Variants in PGAP1 observed in about 807,000 individuals in gnomAD.
The protein encoded by PGAP1 is post-GPI attachment to proteins inositol deacylase 1, also known as GPI inositol-deacylase.
Under a neutral mutation model 127.0 loss-of-function variants are expected in PGAP1, and 76 were observed. That is an observed-to-expected ratio of 0.60 (90% confidence interval 0.50 to 0.72). The LOEUF (loss-of-function observed/expected upper bound fraction) is 0.72, where lower values mean the gene tolerates loss of function less well. PGAP1 is among the 30% of genes least tolerant of loss of function. The pLI is 0.00. For synonymous variants in PGAP1, 362 were observed against 366.5 expected (o/e 0.99, Z 0.14); for missense variants, 982 against 1,071.3 (o/e 0.92, Z 1.16).
chr2:196,864,120 G>A (rs923705116), intron 20 of PGAP1, among the ~76,000 whole-genome samples: 14 of 151,646 alleles, frequency 9.2e-5, no homozygotes, highest in South Asian at 2.1e-4. Context: ...GGCCGGGTCC[G>A]GTGGCTCACG....
chr2:196,894,255 C>A (rs73064986), intron 7 of PGAP1, among the ~76,000 whole-genome samples: 15,519 of 152,190 alleles, frequency 0.1, 957 homozygotes, highest in African/African-American at 0.17. Context: ...TTTCATTGAA[C>A]TCTTTTGGTC....
chr2:196,841,184 T>A lies in PGAP1; in HGVS notation c.*50A>T, dbSNP rs1417021755. On this transcript the variant is annotated 3_prime_UTR_variant, in exon 27 of 27. Coordinates refer to ENST00000354764, the MANE Select transcript of PGAP1 (RefSeq NM_024989.4). ...TGATGGATCTGTGTGTTCCCTCTTA[T>A]CACTGGCCCTAAACACATAAATTAT... is the stretch of plus-strand genomic sequence containing the variant. 2 of 1,550,392 alleles carry A rather than the reference T, an allele frequency of 1.3e-6. No individual in the cohort carries two copies. The highest frequency in any genetic ancestry group is 2.3e-5 in the East Asian group (1 of 43,300).
Position 196,834,980 on chromosome 2 carries a change from T to C in PGAP1, c.*6254A>G, listed in dbSNP as rs1700199783. 1 of 152,062 alleles carries C rather than the reference T, an allele frequency of 6.6e-6. No homozygotes were observed. Among genetic ancestry groups the C allele is most frequent in the African/African-American group, 2.4e-5 (1 of 41,456 alleles). The allele number at this position is 152,062 out of a possible 1,614,324, so 9.4% of individuals were successfully genotyped here. A position where few individuals can be genotyped will look rare whatever the true frequency, so the allele number is the denominator to read the frequency against. ...TCCTGCCTCCTTACTTCCAAGGCTA[T>C]TTATGCAAACTGCATCAACATTACT... On this transcript the variant is annotated 3_prime_UTR_variant, in exon 27 of 27. Transcript: ENST00000354764.
chr2:196,905,538 T>G (rs1040228670), intron 4 of PGAP1, among the ~76,000 whole-genome samples: 1 of 152,180 alleles, frequency 6.6e-6, no homozygotes, highest in Admixed American at 6.5e-5. Flanking sequence ...CTGGGGAATA[T>G]TTCTCACTTA....
intron 9 of PGAP1, 22 bp from the exon 10 acceptor site, chr2:196,890,933 T>C (rs368495581): frequency 6.6e-5 from 81 of 1,219,272 alleles, no homozygotes; most frequent in Admixed American, 1.4e-4. Context: ...AGGAAAACAC[T>C]CAATATAGCT....
chr2:196,903,567 A>C (rs1452400881), intron 4 of PGAP1, among the ~76,000 whole-genome samples: 2 of 151,170 alleles, frequency 1.3e-5, no homozygotes, highest in Non-Finnish European at 3.0e-5. Flanking sequence ...TCTCAAAAAA[A>C]AAAAAAAAAA....
At chr2:196,852,722 A>C (rs986759251) in intron 20 of PGAP1, among the ~76,000 whole-genome samples, 16 of 152,260 alleles carry the variant, frequency 1.1e-4, no homozygotes, top group African/African-American at 3.4e-4. Context: ...TTATGGGTTG[A>C]GAATGTGTTT....
At chr2:196,850,133 G>A (rs1368465664) in intron 20 of PGAP1, among the ~76,000 whole-genome samples, 1 of 152,184 alleles carries the variant, frequency 6.6e-6, no homozygotes, top group African/African-American at 2.4e-5. Flanking sequence ...TACAGCTCCA[G>A]GAATGTTATC....
intron 11 of PGAP1, 97 bp from the exon 12 acceptor site, chr2:196,885,572 C>T (rs190462555): frequency 2.3e-6 from 2 of 862,772 alleles, no homozygotes; most frequent in Non-Finnish European, 3.7e-6. Context: ...CATCTCTACA[C>T]CTAGTAGAGA....
rs555444672 is a variant in PGAP1, at chr2:196,848,170, C to G, written c.1862-133G>C. 10 of 445,462 alleles carry G rather than the reference C, an allele frequency of 2.2e-5. No homozygotes were observed. In the East Asian group the frequency reaches 3.2e-4, roughly 14 times the overall value. The allele number at this position is 445,462 out of a possible 1,614,324, so 27.6% of individuals were successfully genotyped here. On this transcript the variant is annotated intron_variant, in intron 20 of 26. Coordinates refer to ENST00000354764, the MANE Select transcript of PGAP1 (RefSeq NM_024989.4). ...GGTCTTCATTACTATCACAGAGACT[C>G]TTCTTGAAAGATTAAAAATAGCTGT...
chr2:196,889,280 TGA>T (rs964383291), intron 10 of PGAP1, among the ~76,000 whole-genome samples: 7 of 151,964 alleles, frequency 4.6e-5, no homozygotes, highest in Non-Finnish European at 1.0e-4. Flanking sequence ...GATTTTAGGC[TGA>T]GAGATGCAAG....
At chr2:196,880,262 G>C (rs981632419) in intron 12 of PGAP1, 109 bp from the exon 13 acceptor site, 7 of 692,656 alleles carry the variant, frequency 1.0e-5, no homozygotes, top group South Asian at 5.8e-5. Context: ...TAAAAAGCAG[G>C]CTTCCAATTT....
intron 20 of PGAP1, among the ~76,000 whole-genome samples, chr2:196,859,092 T>C (rs770908265): frequency 2.0e-5 from 3 of 152,120 alleles, no homozygotes; most frequent in Non-Finnish European, 4.4e-5. Flanking sequence ...TTTGGGAGGC[T>C]GAGGCAGGCA....
Position 196,890,925 on chromosome 2 carries a change from G to C in PGAP1, c.1090-14C>G. The C allele has an allele frequency of 7.4e-7, 1 of 1,343,730 alleles. No homozygotes were observed. Among genetic ancestry groups the C allele is most frequent in the Non-Finnish European group, 1.1e-6 (1 of 936,270 alleles). 83.2% of individuals were successfully genotyped at this position (1,343,730 alleles called of 1,614,324 possible). ...CTTCTCAGATTCCTACAAAAAGAAG[G>C]AAAACACTCAATATAGCTGTAATGA... On this transcript the variant is annotated splice_polypyrimidine_tract_variant and intron_variant, in intron 9 of 26. Transcript: ENST00000354764.
chr2:196,894,638 TA>T (rs1257725109), intron 7 of PGAP1, among the ~76,000 whole-genome samples: 5 of 151,996 alleles, frequency 3.3e-5, no homozygotes, highest in African/African-American at 4.8e-5. Context: ...CTGTCTCTAC[TA>T]AAAATACAAA....
chr2:196,906,992 G>C (rs1702742902), intron 4 of PGAP1, among the ~76,000 whole-genome samples: 1 of 144,826 alleles, frequency 6.9e-6, no homozygotes, highest in East Asian at 2.0e-4. Context: ...ACCTGAAAGA[G>C]ATGTGGAGAA....
intron 20 of PGAP1, among the ~76,000 whole-genome samples, chr2:196,863,815 G>A (rs1317500935): frequency 7.9e-5 from 12 of 152,142 alleles, no homozygotes; most frequent in African/African-American, 2.6e-4. Context: ...CTGACCTCAG[G>A]TGATCCGCCC....
intron 24 of PGAP1, 74 bp downstream of exon 24, chr2:196,844,450 A>T (rs898721882): frequency 1.1e-5 from 7 of 652,128 alleles, no homozygotes; most frequent in Non-Finnish European, 1.5e-5. Context: ...TACTAACCTT[A>T]AAAAAAAAAA....
chr2:196,849,817 T>C (rs546575354), intron 20 of PGAP1, among the ~76,000 whole-genome samples: 1 of 152,322 alleles, frequency 6.6e-6, no homozygotes, highest in Admixed American at 6.5e-5. Flanking sequence ...CCTTAATCAC[T>C]GTCCAAGCCC....
Sources: gnomAD v4.1 joint callset for allele counts (sites outside exome capture counted in the v4.1 genomes callset) on GRCh38, gnomAD v4.1.1 for gene constraint, MANE v1.5 for transcripts, NCBI Gene and HGNC (gene_info 2026-07-23, HGNC 2026-07-21) for gene names.